Variants in LIMCH1 observed in about 807,000 individuals in gnomAD.
The protein encoded by LIMCH1 is LIM and calponin homology domains-containing protein 1.
LIMCH1 carries 113 observed loss-of-function variants against 176.5 expected under a neutral mutation model. That is an observed-to-expected ratio of 0.64 (90% CI 0.55 to 0.75). The LOEUF is 0.75. LIMCH1 is among the 30% of genes least tolerant of loss of function. The probability of loss-of-function intolerance (pLI) is 0.00; values close to 1 mark genes in which losing one functional copy is unlikely to be tolerated. For missense variants in LIMCH1, 1,674 were observed against 1,814.9 expected, an observed-to-expected ratio of 0.92 and a Z score of 1.41; for synonymous variants, 619 against 645.9, an observed-to-expected ratio of 0.96 and a Z score of 0.63.
intron 1 of LIMCH1, among the ~76,000 whole-genome samples, chr4:41,458,866 C>A (rs1003630790): frequency 1.3e-5 from 2 of 150,902 alleles, no homozygotes; most frequent in African/African-American, 4.9e-5. Context: ...TGGGAAGGAA[C>A]TGACAGTGTT....
chr4:41,598,285 A>G (rs1386516755), intron 1 of LIMCH1, among the ~76,000 whole-genome samples: 5 of 152,170 alleles, frequency 3.3e-5, no homozygotes, highest in Admixed American at 6.5e-5. Context: ...TTCAAAGTAA[A>G]TTTGTATCTG....
At chr4:41,602,427 C>T (rs1226901109) in intron 2 of LIMCH1, among the ~76,000 whole-genome samples, 1 of 152,150 alleles carries the variant, frequency 6.6e-6, no homozygotes, top group Non-Finnish European at 1.5e-5. Context: ...TAATTTTTAG[C>T]ACTGGGTTAC....
At chr4:41,693,233 G>A (rs1560416507) in intron 31 of LIMCH1, 1 of 152,316 alleles carries the variant, frequency 6.6e-6, no homozygotes, top group East Asian at 1.9e-4. Context: ...AGTGAAGATA[G>A]GGAGTGTGAA....
Position 41,687,889 on chromosome 4 carries a change from C to T in LIMCH1, c.4138C>T (p.Pro1380Ser). The T allele has an allele frequency of 6.2e-7, 1 of 1,613,502 alleles. No homozygotes were observed. The highest frequency in any genetic ancestry group is 1.1e-5 in the South Asian group (1 of 91,028). Residue 1380 changes from proline to serine, a missense_variant, in exon 29 of 32, where the codon CCC becomes TCC. Physicochemically the swap from Pro to Ser is moderately conservative, Grantham distance 74. Transcript: ENST00000503057. ...FQAGPFSPCS[P>S]TPPGQSPNRS... Reference sequence around the variant, plus strand: ...GGCTGGGCCTTTCTCTCCCTGTTCTCCCACCCCTCCCGGTCAGTCACCAAA... The same window carrying T: ...GGCTGGGCCTTTCTCTCCCTGTTCTTCCACCCCTCCCGGTCAGTCACCAAA...
intron 25 of LIMCH1, among the ~76,000 whole-genome samples, chr4:41,681,478 A>G (rs1715777743): frequency 1.3e-5 from 2 of 152,232 alleles, no homozygotes; most frequent in Admixed American, 1.3e-4. Flanking sequence ...CAAAGATGTC[A>G]ATAACATGTT....
In LIMCH1 at chr4:41,653,770, A is replaced by G. The variant is rs184438647; in HGVS notation, c.3036+3162A>G. ...GCCCGGGACGGGCACTATGGATGAC[A>G]TCATATCATCTCTTTGGTTTCCTTC... On this transcript the variant is annotated intron_variant, in intron 18 of 31. Transcript: ENST00000503057. 2.2e-3 allele frequency among the ~76,000 whole-genome samples: 335 copies of G among 152,366 alleles called. 1 individual carries two copies. The highest frequency in any genetic ancestry group is 3.5e-3 in the Non-Finnish European group (238 of 68,040).
At chr4:41,666,336 T>C (rs2094825555) in intron 20 of LIMCH1, among the ~76,000 whole-genome samples, 1 of 152,180 alleles carries the variant, frequency 6.6e-6, no homozygotes, top group African/African-American at 2.4e-5. Flanking sequence ...GTCATTACGT[T>C]TTTACGCTCA....
chr4:41,474,492 A>G (rs984887643), intron 1 of LIMCH1, among the ~76,000 whole-genome samples: 2 of 152,228 alleles, frequency 1.3e-5, no homozygotes, highest in African/African-American at 4.8e-5. Flanking sequence ...GTGTCTCAAA[A>G]TAAAAATAAA....
chr4:41,493,508 A>T (rs2071476710), intron 1 of LIMCH1, among the ~76,000 whole-genome samples: 1 of 152,156 alleles, frequency 6.6e-6, no homozygotes, highest in Admixed American at 6.5e-5. Context: ...ATACAGTGTA[A>T]CAACTGTTTA....
At chr4:41,630,366 A>G (rs1226707279) in intron 9 of LIMCH1, among the ~76,000 whole-genome samples, 1 of 152,198 alleles carries the variant, frequency 6.6e-6, no homozygotes, top group South Asian at 2.1e-4. Context: ...TATTAATACT[A>G]AAAGTTACAA....
intron 1 of LIMCH1, among the ~76,000 whole-genome samples, chr4:41,441,153 T>C (rs2062662554): frequency 6.6e-6 from 1 of 152,218 alleles, no homozygotes; most frequent in African/African-American, 2.4e-5. Flanking sequence ...TTAATTCAGC[T>C]TCTGTCTTGA....
At chr4:41,401,709 G>A (rs2058460357) in intron 1 of LIMCH1, among the ~76,000 whole-genome samples, 1 of 151,960 alleles carries the variant, frequency 6.6e-6, no homozygotes, top group Non-Finnish European at 1.5e-5. Flanking sequence ...TTATTTCATT[G>A]AGCAGTGGTT....
chr4:41,629,786 T>C (rs545703279), intron 9 of LIMCH1, 52 bp downstream of exon 9: 47 of 1,489,858 alleles, frequency 3.2e-5, no homozygotes, highest in Non-Finnish European at 4.0e-5. Flanking sequence ...GTATTTCATT[T>C]TGAAGGCATC....
At chr4:41,542,058 G>A (rs1583752880) in intron 1 of LIMCH1, among the ~76,000 whole-genome samples, 2 of 152,104 alleles carry the variant, frequency 1.3e-5, no homozygotes, top group East Asian at 3.9e-4. Flanking sequence ...CTTCTGCTGG[G>A]CCACTCTGGG....
intron 1 of LIMCH1, among the ~76,000 whole-genome samples, chr4:41,487,853 C>T (rs1429858666): frequency 2.6e-5 from 4 of 151,000 alleles, no homozygotes; most frequent in Admixed American, 1.3e-4. Context: ...GGGGTTTCAC[C>T]GTGTTAGCCA....
chr4:41,596,156 C>T (rs902147438), intron 1 of LIMCH1, among the ~76,000 whole-genome samples: 3 of 151,656 alleles, frequency 2.0e-5, no homozygotes, highest in Non-Finnish European at 2.9e-5. Flanking sequence ...TATCTCCATA[C>T]GTGCTCATAA....
chr4:41,581,132 A>G (rs1202438753), intron 1 of LIMCH1, among the ~76,000 whole-genome samples: 1 of 131,950 alleles, frequency 7.6e-6, no homozygotes, highest in Admixed American at 6.9e-5. Flanking sequence ...CTATCTATCT[A>G]TCTATCTATC....
chr4:41,522,956 G>A (rs2076263894), intron 2 of LIMCH1, among the ~76,000 whole-genome samples: 1 of 152,134 alleles, frequency 6.6e-6, no homozygotes, highest in African/African-American at 2.4e-5. Flanking sequence ...GGGCAAAACA[G>A]CACTTGTGCA....
chr4:41,661,590 C>A lies in LIMCH1; in HGVS notation c.3127+80C>A. ...TAATGGAAATAGTCAAGAATTTTTC[C>A]TACTGAGCCACAGGAAAGTAGTAAT... is the stretch of plus-strand genomic sequence containing the variant. On this transcript the variant is annotated intron_variant, in intron 19 of 31. Transcript: ENST00000503057. 6 of 1,061,284 alleles carry A rather than the reference C, an allele frequency of 5.7e-6. No homozygotes were observed. In the East Asian group the frequency reaches 7.7e-5, roughly 14 times the overall value. 65.7% of individuals were successfully genotyped at this position (1,061,284 alleles called of 1,614,324 possible).
Sources: allele counts gnomAD v4.1 joint callset (sites outside exome capture counted in the v4.1 genomes callset), GRCh38; gene constraint gnomAD v4.1.1; transcripts MANE v1.5; gene names NCBI Gene and HGNC (gene_info 2026-07-23, HGNC 2026-07-21).